The following SCG3 variants were observed in gnomAD, a reference collection of about 807,000 sequenced individuals.
SCG3 encodes the protein secretogranin III.
A neutral mutation model predicts 56.2 loss-of-function variants in SCG3; 38 were observed. That is an observed-to-expected ratio of 0.68 (90% CI 0.52 to 0.89). The LOEUF is 0.89. SCG3 is among the 40% of genes least tolerant of loss of function. The probability of loss-of-function intolerance (pLI) is 0.00; values close to 1 mark genes in which losing one functional copy is unlikely to be tolerated. For synonymous variants in SCG3, 176 were observed against 184.2 expected, an observed-to-expected ratio of 0.96 and a Z score of 0.36; for missense variants, 524 against 540.7, an observed-to-expected ratio of 0.97 and a Z score of 0.31.
At chr15:51,690,501 A>G (rs2055259693) in intron 6 of SCG3, among the ~76,000 whole-genome samples, 1 of 152,110 alleles carries the variant, frequency 6.6e-6, no homozygotes. Flanking sequence ...AGAGGAGAGA[A>G]AATAGAAATT....
Position 51,711,814 on chromosome 15 carries a change from C to T in SCG3, c.1208-1519C>T, listed in dbSNP as rs536192359. Among the ~76,000 whole-genome samples the T allele has an allele frequency of 1.2e-4, 18 of 152,250 alleles. No individual in the cohort carries two copies. In the South Asian group the frequency reaches 3.7e-3, roughly 32 times the overall value. On this transcript the variant is annotated intron_variant, in intron 10 of 11. Transcript: ENST00000220478. ...AATAAGGACTAAAAATTGTGGATCT[C>T]TTCTGGTGTCCATTTACCCCTTTTT...
rs777807790 is a variant in SCG3, at chr15:51,713,415, T to C, written c.1288+2T>C. ...ATGACAAAAAGGGAAATAAAGAAGG[T>C]AGGACCAAGTGTGGTTGTACATTGC... On this transcript the variant is annotated splice_donor_variant, in intron 11 of 11. Transcript: ENST00000220478. LOFTEE classifies it high-confidence loss of function. 6.3e-7 allele frequency: 1 copy of C among 1,583,758 alleles called. No homozygotes were observed. The highest frequency in any genetic ancestry group is 1.1e-5 in the South Asian group (1 of 87,958).
At position 51,692,348 on chromosome 15, in the gene SCG3, G is replaced by A; in HGVS notation, c.868+12G>A. The A allele has an allele frequency of 6.2e-7, 1 of 1,608,882 alleles. No homozygotes were observed. The highest frequency in any genetic ancestry group is 8.5e-7 in the Non-Finnish European group (1 of 1,177,324). On this transcript the variant is annotated intron_variant, in intron 7 of 11. Transcript: ENST00000220478. Reference sequence around the variant, plus strand: ...AAGTATTGATTCAGGTAACCACTGTGTGGTTGTGATTATGTGGAACAGAAA... The same window carrying A: ...AAGTATTGATTCAGGTAACCACTGTATGGTTGTGATTATGTGGAACAGAAA...
At position 51,689,303 on chromosome 15, in the gene SCG3, G is replaced by A. The variant is rs2055250731; in HGVS notation, c.625G>A (p.Glu209Lys). The A allele has an allele frequency of 6.2e-7, 1 of 1,614,060 alleles. No individual in the cohort carries two copies. Among genetic ancestry groups the A allele is most frequent in the South Asian group, 1.1e-5 (1 of 91,084 alleles). Residue 209 changes from glutamate to lysine, a missense_variant, in exon 6 of 12, where the codon GAG becomes AAG. Coordinates refer to ENST00000220478, the MANE Select transcript of SCG3 (RefSeq NM_013243.4). ...AATCTCAAAGGAAGCCAACAATTATGAGGAGGATCCCAATAAGCCCACAAG... is the reference window on the plus strand; with the variant it reads ...AATCTCAAAGGAAGCCAACAATTATAAGGAGGATCCCAATAAGCCCACAAG... The part of the protein sequence containing the change: ...KLISKEANNY[E>K]EDPNKPTSWT...
At chr15:51,713,900 G>A (rs1026874942) in intron 11 of SCG3, among the ~76,000 whole-genome samples, 1 of 152,170 alleles carries the variant, frequency 6.6e-6, no homozygotes, top group African/African-American at 2.4e-5. Context: ...AATGCACAGC[G>A]TCATTAGAGC....
At chr15:51,698,609 A>AGGGAT (rs2055319617) in intron 8 of SCG3, among the ~76,000 whole-genome samples, 2 of 152,348 alleles carry the variant, frequency 1.3e-5, no homozygotes, top group South Asian at 4.1e-4. Flanking sequence ...AAGTCCATGG[A>AGGGAT]GGGATGGGAT....
At chr15:51,709,377 T>A (rs902391445) in intron 10 of SCG3, among the ~76,000 whole-genome samples, 1 of 151,990 alleles carries the variant, frequency 6.6e-6, no homozygotes, top group African/African-American at 2.4e-5. Context: ...AGCCCAACCA[T>A]ATCAGACCCT....
intron 7 of SCG3, chr15:51,693,826 T>A (rs2055284468): frequency 6.6e-6 from 1 of 152,234 alleles, no homozygotes; most frequent in South Asian, 2.1e-4. Context: ...TTCTGAGCCA[T>A]CTTGCCCCAT....
At chr15:51,704,053 G>A (rs2055354889) in intron 10 of SCG3, among the ~76,000 whole-genome samples, 1 of 151,662 alleles carries the variant, frequency 6.6e-6, no homozygotes, top group African/African-American at 2.4e-5. Context: ...AAGAAAGAAA[G>A]CAGTAATGAT....
At position 51,719,574 on chromosome 15, in the gene SCG3, T is replaced by G. The variant is rs762686776; in HGVS notation, c.*48T>G. The G allele has an allele frequency of 7.5e-7, 1 of 1,331,272 alleles. No homozygotes were observed. Among genetic ancestry groups the G allele is most frequent in the South Asian group, 1.2e-5 (1 of 82,318 alleles). 82.5% of individuals were successfully genotyped at this position (1,331,272 alleles called of 1,614,324 possible). Reference sequence around the variant, plus strand: ...CTTTCAACTGTTTCAGAAAACATAATATAGCTTAAAACACTTCTAATTCTG... The same window carrying G: ...CTTTCAACTGTTTCAGAAAACATAAGATAGCTTAAAACACTTCTAATTCTG... On this transcript the variant is annotated 3_prime_UTR_variant, in exon 12 of 12. Coordinates refer to ENST00000220478, the MANE Select transcript of SCG3 (RefSeq NM_013243.4).
At chr15:51,706,320 G>A (rs116339747) in intron 10 of SCG3, among the ~76,000 whole-genome samples, 23 of 152,156 alleles carry the variant, frequency 1.5e-4, no homozygotes, top group Admixed American at 3.9e-4. Context: ...CAATTCCTGC[G>A]TTTGAGGACT....
At chr15:51,683,666 T>G (rs1000810213) in intron 4 of SCG3, among the ~76,000 whole-genome samples, 5 of 152,214 alleles carry the variant, frequency 3.3e-5, no homozygotes, top group Non-Finnish European at 7.3e-5. Flanking sequence ...AAACATTTTT[T>G]AATCTAGTAT....
At chr15:51,712,359 A>G (rs1459863164) in intron 10 of SCG3, among the ~76,000 whole-genome samples, 2 of 152,172 alleles carry the variant, frequency 1.3e-5, no homozygotes. Context: ...TTTGTAAGCC[A>G]TCTGGTACTT....
rs182182990 is a variant in SCG3, at chr15:51,689,338, G to A, written c.660G>A (p.Glu220=). ...CCAATAAGCCCACAAGCTGGACTGA[G>A]AATCAGGCTGGAAAAATACCAGAGA... The part of the protein sequence containing the change: ...EDPNKPTSWT[E]NQAGKIPEKV... The change falls in exon 6 of 12, where the codon GAG becomes GAA. Residue 220 remains glutamate (E), a synonymous_variant. Transcript: ENST00000220478. The A allele has an allele frequency of 6.2e-7, 1 of 1,613,864 alleles. No individual in the cohort carries two copies. Among genetic ancestry groups the A allele is most frequent in the Admixed American group, 1.7e-5 (1 of 59,946 alleles).
intron 8 of SCG3, among the ~76,000 whole-genome samples, chr15:51,696,816 C>T (rs1252335806): frequency 2.6e-5 from 4 of 152,216 alleles, no homozygotes; most frequent in Admixed American, 2.0e-4. Context: ...GGTGCTAAAC[C>T]ATTGGTGAGA....
intron 11 of SCG3, among the ~76,000 whole-genome samples, chr15:51,717,680 A>G (rs1465022296): frequency 1.3e-5 from 2 of 152,224 alleles, no homozygotes; most frequent in African/African-American, 4.8e-5. Flanking sequence ...GAAGTGCAGG[A>G]GCTTCCATCC....
rs556788153 is a variant in SCG3 at position 51,700,957 on chromosome 15, G to A, written c.1070-150G>A. On this transcript the variant is annotated intron_variant, in intron 9 of 11. Transcript: ENST00000220478. ...CCTCTTCTGTGATATGGGGTTAAAG[G>A]GTTGGATTAGATAAGCACTAAGATC... 1.5e-4 allele frequency: 142 copies of A among 941,178 alleles called. 5 individuals carry two copies. The highest frequency in any genetic ancestry group is 1.4e-3 in the South Asian group (86 of 62,814). 58.3% of individuals were successfully genotyped at this position (941,178 alleles called of 1,614,324 possible).
intron 7 of SCG3, 94 bp from the exon 8 acceptor site, chr15:51,695,781 A>G (rs2055299257): frequency 1.3e-6 from 1 of 774,798 alleles, no homozygotes; most frequent in Non-Finnish European, 2.1e-6. Context: ...AAAAAACCCA[A>G]ACAAACAAAC....
chr15:51,707,947 CTATT>C (rs1363707831), intron 10 of SCG3: 1 of 152,138 alleles, frequency 6.6e-6, no homozygotes, highest in African/African-American at 2.4e-5. Context: ...TAGGACAACC[CTATT>C]GATTTATACA....
Sources: allele counts gnomAD v4.1 joint callset (sites outside exome capture counted in the v4.1 genomes callset), GRCh38; gene constraint gnomAD v4.1.1; transcripts MANE v1.5; gene names NCBI Gene and HGNC (gene_info 2026-07-23, HGNC 2026-07-21).